Variants in IFT74 observed in about 807,000 individuals in gnomAD.
IFT74 encodes intraflagellar transport protein 74 homolog.
A neutral mutation model predicts 96.7 loss-of-function variants in IFT74; 92 were observed. The ratio of observed to expected loss-of-function variants is 0.95; its 90% confidence interval spans 0.80 to 1.13. The LOEUF (loss-of-function observed/expected upper bound fraction) is 1.13. IFT74 is among the 50% of genes most tolerant of loss of function. The probability of loss-of-function intolerance (pLI) is 0.00; values close to 1 mark genes in which losing one functional copy is unlikely to be tolerated. For synonymous variants in IFT74, 223 were observed against 213.2 expected, an observed-to-expected ratio of 1.05 and a Z score of -0.40; for missense variants, 811 against 698.2, an observed-to-expected ratio of 1.16 and a Z score of -1.82.
chr9:26,959,644 G>T (rs1235923898), intron 1 of IFT74, among the ~76,000 whole-genome samples: 1 of 152,122 alleles, frequency 6.6e-6, no homozygotes, highest in Non-Finnish European at 1.5e-5. Context: ...ATGAGAGAAG[G>T]AATGGCTGTT....
At chr9:26,992,277 C>A (rs1350665682) in intron 8 of IFT74, among the ~76,000 whole-genome samples, 1 of 151,992 alleles carries the variant, frequency 6.6e-6, no homozygotes, top group Non-Finnish European at 1.5e-5. Context: ...TTAGGAAAAT[C>A]TTCAAATATG....
intron 8 of IFT74, among the ~76,000 whole-genome samples, chr9:27,008,039 C>T (rs1201149626): frequency 6.6e-6 from 1 of 152,122 alleles, no homozygotes; most frequent in African/African-American, 2.4e-5. Context: ...TTCACTATTA[C>T]TACTTTTATA....
intron 8 of IFT74, among the ~76,000 whole-genome samples, chr9:27,003,331 T>G (rs1213424326): frequency 2.6e-5 from 4 of 152,160 alleles, no homozygotes; most frequent in Non-Finnish European, 5.9e-5. Context: ...GAGACCAGCC[T>G]GGCCAACATG....
intron 2 of IFT74, among the ~76,000 whole-genome samples, chr9:26,974,140 C>G (rs1826994709): frequency 6.6e-6 from 1 of 152,036 alleles, no homozygotes; most frequent in Non-Finnish European, 1.5e-5. Flanking sequence ...TTTTTGGATC[C>G]TTTATAGTTC....
At chr9:26,978,043 A>G in intron 2 of IFT74, 85 bp from the exon 3 acceptor site, 1 of 1,250,120 alleles carries the variant, frequency 8.0e-7, no homozygotes, top group Non-Finnish European at 1.1e-6. Flanking sequence ...TTGTTTTTTT[A>G]AAAAATTGTC....
Position 26,979,703 on chromosome 9 carries a change from CTTTTTTTT to C in IFT74, c.257-848_257-841del, listed in dbSNP as rs951706952. On this transcript the variant is annotated intron_variant, in intron 3 of 19. Transcript: ENST00000380062. Reference sequence around the variant, plus strand: ...GAGACATTTAACCTAGGAACACTTTCTTTTTTTTTTTTTTTTTTTTTTTTTTTGAGATG... The same window carrying C: ...GAGACATTTAACCTAGGAACACTTTCTTTTTTTTTTTTTTTTTTTGAGATG... Among the ~76,000 whole-genome samples the C allele has an allele frequency of 7.9e-5, 6 of 75,488 alleles. No individual in the cohort carries two copies. The South Asian group carries it at 1.7e-3, about 22-fold the overall frequency. The allele number at this position is 75,488 out of a possible 152,430, so 49.5% of individuals were successfully genotyped here.
intron 1 of IFT74, among the ~76,000 whole-genome samples, chr9:26,950,680 C>T (rs1307859499): frequency 6.6e-6 from 1 of 152,184 alleles, no homozygotes; most frequent in Non-Finnish European, 1.5e-5. Flanking sequence ...TTAAGTGCCC[C>T]TAGATGGAGT....
In IFT74 at chr9:27,018,584, C is replaced by G. The variant is rs1829460627; in HGVS notation, c.934-63C>G. ...CAATTGTACTCTAGAAGGAAATTAT[C>G]TTTAAGATAGCCTTACAATGAGTTA... On this transcript the variant is annotated intron_variant, in intron 11 of 19. Transcript: ENST00000380062. 5.9e-6 allele frequency: 5 copies of G among 846,260 alleles called. No individual in the cohort carries two copies. In the South Asian group the frequency reaches 9.8e-5, roughly 17 times the overall value. 52.4% of individuals were successfully genotyped at this position (846,260 alleles called of 1,614,324 possible).
intron 8 of IFT74, chr9:26,995,779 A>T: frequency 6.2e-7 from 1 of 1,613,836 alleles, no homozygotes; most frequent in Non-Finnish European, 8.5e-7. Flanking sequence ...TAAAAATGAG[A>T]AGTGAAGTCG....
chr9:26,962,835 A>G (rs539995923), intron 2 of IFT74, among the ~76,000 whole-genome samples: 3 of 152,134 alleles, frequency 2.0e-5, no homozygotes, highest in African/African-American at 7.2e-5. Context: ...AAACACCATA[A>G]AAAATTAGAA....
chr9:27,032,550 G>C (rs572887657), intron 13 of IFT74, among the ~76,000 whole-genome samples: 2 of 151,750 alleles, frequency 1.3e-5, no homozygotes, highest in East Asian at 3.9e-4. Context: ...CAGCTTATAG[G>C]AGGTCATCCT....
chr9:26,964,974 C>A (rs981699172), intron 2 of IFT74, among the ~76,000 whole-genome samples: 8 of 151,876 alleles, frequency 5.3e-5, no homozygotes, highest in Admixed American at 5.2e-4. Context: ...AGAAGGATAT[C>A]CTGTAAAGAT....
intron 7 of IFT74, among the ~76,000 whole-genome samples, chr9:26,989,497 T>C (rs1156512985): frequency 6.6e-6 from 1 of 152,210 alleles, no homozygotes; most frequent in East Asian, 1.9e-4. Context: ...ATATAGTTTA[T>C]AATTTATTTA....
intron 16 of IFT74, 53 bp from the exon 17 acceptor site, chr9:27,055,556 T>G (rs1820122858): frequency 1.6e-6 from 2 of 1,213,692 alleles, no homozygotes; most frequent in East Asian, 5.4e-5. Flanking sequence ...CATTTCCTTA[T>G]GTGAAAGGAA....
chr9:26,965,599 C>A (rs537857648), intron 2 of IFT74, among the ~76,000 whole-genome samples: 19 of 152,090 alleles, frequency 1.2e-4, no homozygotes, highest in African/African-American at 4.6e-4. Context: ...TTATTGGCCA[C>A]CTACTATTTG....
At chr9:27,029,546 G>A (rs189206315) in intron 13 of IFT74, among the ~76,000 whole-genome samples, 32 of 152,100 alleles carry the variant, frequency 2.1e-4, no homozygotes, top group Admixed American at 9.2e-4. Context: ...TCGGGAGTTC[G>A]AGACCAGCCT....
intron 16 of IFT74, among the ~76,000 whole-genome samples, 199 bp downstream of exon 16, chr9:27,048,473 T>C (rs891446627): frequency 6.6e-6 from 1 of 152,226 alleles, no homozygotes; most frequent in Non-Finnish European, 1.5e-5. Flanking sequence ...ATTGAATACT[T>C]ATTTCAAGCC....
intron 10 of IFT74, 60 bp from the exon 11 acceptor site, chr9:27,016,847 A>G: frequency 1.5e-6 from 2 of 1,373,806 alleles, no homozygotes; most frequent in Non-Finnish European, 2.0e-6. Flanking sequence ...ACTGAAACCT[A>G]TTTTAGAATA....
At chr9:27,041,650 C>T (rs1173297041) in intron 13 of IFT74, among the ~76,000 whole-genome samples, 1 of 152,132 alleles carries the variant, frequency 6.6e-6, no homozygotes, top group East Asian at 1.9e-4. Flanking sequence ...TTGTGATACA[C>T]TGATTTGCTT....
Sources: allele counts gnomAD v4.1 joint callset (sites outside exome capture counted in the v4.1 genomes callset), GRCh38; gene constraint gnomAD v4.1.1; transcripts MANE v1.5; gene names NCBI Gene and HGNC (gene_info 2026-07-23, HGNC 2026-07-21).